Variants in NCALD observed in about 807,000 individuals in gnomAD.
The protein encoded by NCALD is neurocalcin delta.
NCALD carries 10 observed loss-of-function variants against 18.6 expected under a neutral mutation model. The observed-to-expected ratio is 0.54, with a 90% CI of 0.33 to 0.91. The LOEUF is 0.91. Among genes scored for constraint, NCALD ranks in the 40% least tolerant of loss-of-function variants. The pLI, the probability that NCALD is intolerant of heterozygous loss-of-function variation, is 0.03. For synonymous variants in NCALD, 88 were observed against 87.4 expected (o/e 1.01, Z -0.04); for missense variants, 184 against 247.6 (o/e 0.74, Z 1.72).
At position 101,725,368 on chromosome 8, in the gene NCALD, G is replaced by A. The variant is rs74507823; in HGVS notation, c.-19-5720C>T. ...AGCCTGGCCAGAGATGGTGGGCTCC[G>A]AGGAAAGATCACCTTCTTCCTGCAC... is the stretch of plus-strand genomic sequence containing the variant. On this transcript the variant is annotated intron_variant, in intron 1 of 3. Transcript: ENST00000220931. Among the ~76,000 whole-genome samples the A allele has an allele frequency of 5.3e-5, 8 of 152,166 alleles. No homozygotes were observed. The East Asian group carries it at 9.6e-4, about 18-fold the overall frequency.
intron 3 of NCALD, among the ~76,000 whole-genome samples, chr8:101,897,435 G>T (rs958734942): frequency 3.3e-5 from 5 of 149,558 alleles, no homozygotes; most frequent in Non-Finnish European, 5.9e-5. Context: ...GTTAGTGGGT[G>T]CAGTGCACCA....
intron 1 of NCALD, among the ~76,000 whole-genome samples, chr8:102,054,660 C>CAATA (rs59558185): frequency 0.074 from 10,521 of 142,358 alleles, 573 homozygotes; most frequent in East Asian, 0.2. Flanking sequence ...CTTTCTCTTC[C>CAATA]GATAGATAGA....
At chr8:101,692,691 G>A (rs867838541) in intron 3 of NCALD, 100 bp downstream of exon 3, 223 of 1,410,678 alleles carry the variant, frequency 1.6e-4, no homozygotes, top group Non-Finnish European at 2.0e-4. Flanking sequence ...AGGATGAGCC[G>A]CTCACATTGA....
intron 4 of NCALD, among the ~76,000 whole-genome samples, chr8:101,798,056 T>C (rs1305267351): frequency 1.3e-5 from 2 of 152,314 alleles, no homozygotes; most frequent in South Asian, 2.1e-4. Context: ...GCTAATTTTA[T>C]ACTTAATAGT....
At chr8:101,960,060 G>A (rs1819781431) in intron 2 of NCALD, among the ~76,000 whole-genome samples, 2 of 152,272 alleles carry the variant, frequency 1.3e-5, no homozygotes, top group Non-Finnish European at 1.5e-5. Flanking sequence ...ACATGGTCCA[G>A]AAGGATAGAA....
chr8:101,909,477 C>T (rs1466887322), intron 3 of NCALD, among the ~76,000 whole-genome samples: 1 of 152,204 alleles, frequency 6.6e-6, no homozygotes, highest in Non-Finnish European at 1.5e-5. Flanking sequence ...CAGCCTCAGA[C>T]TTCCACACTG....
intron 2 of NCALD, among the ~76,000 whole-genome samples, chr8:101,951,715 C>G (rs1360876575): frequency 6.6e-6 from 1 of 152,164 alleles, no homozygotes; most frequent in Non-Finnish European, 1.5e-5. Context: ...GTCATTCAAC[C>G]CCCTTACTTC....
chr8:102,101,453 T>C (rs1402283236), intron 1 of NCALD, among the ~76,000 whole-genome samples: 1 of 152,230 alleles, frequency 6.6e-6, no homozygotes, highest in African/African-American at 2.4e-5. Flanking sequence ...GAAGGCTGCA[T>C]TGGATCCAGG....
intron 4 of NCALD, among the ~76,000 whole-genome samples, chr8:101,879,845 A>G (rs998828058): frequency 6.6e-6 from 1 of 152,026 alleles, no homozygotes; most frequent in Non-Finnish European, 1.5e-5. Context: ...TGACTGGTGC[A>G]TTTACAATCC....
intron 2 of NCALD, among the ~76,000 whole-genome samples, chr8:101,916,085 A>G (rs754742735): frequency 6.6e-6 from 1 of 152,094 alleles, no homozygotes; most frequent in Non-Finnish European, 1.5e-5. Context: ...CAGAGACTGA[A>G]ACAATGGGAA....
intron 1 of NCALD, among the ~76,000 whole-genome samples, chr8:102,122,646 T>C (rs1446796978): frequency 6.6e-6 from 1 of 152,206 alleles, no homozygotes; most frequent in Non-Finnish European, 1.5e-5. Flanking sequence ...ACTCATTTTA[T>C]CTTCACAGTA....
chr8:101,723,383 A>C (rs1250684693), intron 1 of NCALD, among the ~76,000 whole-genome samples: 1 of 152,194 alleles, frequency 6.6e-6, no homozygotes, highest in Non-Finnish European at 1.5e-5. Context: ...TTTTCAAAAC[A>C]CAAAATTGAG....
intron 4 of NCALD, among the ~76,000 whole-genome samples, chr8:101,876,360 A>G (rs1163532245): frequency 3.3e-5 from 5 of 152,216 alleles, no homozygotes; most frequent in African/African-American, 1.2e-4. Context: ...TTTGATTATT[A>G]TGAACACTAG....
chr8:101,779,789 A>T (rs1267500455), intron 1 of NCALD: 2 of 152,192 alleles, frequency 1.3e-5, no homozygotes, highest in African/African-American at 2.4e-5. Flanking sequence ...GAGACAGTTA[A>T]CTAAGCTTTA....
At chr8:101,734,297 A>C (rs1816978741) in intron 1 of NCALD, among the ~76,000 whole-genome samples, 1 of 152,202 alleles carries the variant, frequency 6.6e-6, no homozygotes, top group Admixed American at 6.5e-5. Context: ...CTCACTGAAC[A>C]TGCCCTCCTT....
chr8:101,975,952 G>A (rs1285216148), intron 2 of NCALD, among the ~76,000 whole-genome samples: 1 of 152,128 alleles, frequency 6.6e-6, no homozygotes, highest in Non-Finnish European at 1.5e-5. Flanking sequence ...TTGACTGCTG[G>A]TTGGGTTGTA....
intron 2 of NCALD, among the ~76,000 whole-genome samples, chr8:101,964,671 ATC>A (rs1476749297): frequency 6.6e-6 from 1 of 152,232 alleles, no homozygotes; most frequent in Non-Finnish European, 1.5e-5. Context: ...TAGTGAGCCA[ATC>A]TCTGTCACAA....
chr8:101,957,431 G>A (rs969928665), intron 2 of NCALD, among the ~76,000 whole-genome samples: 7 of 151,514 alleles, frequency 4.6e-5, no homozygotes, highest in East Asian at 3.9e-4. Flanking sequence ...AATACTGACT[G>A]CAGTTAACAT....
At chr8:101,902,922 T>C (rs1817487398) in intron 3 of NCALD, among the ~76,000 whole-genome samples, 1 of 152,160 alleles carries the variant, frequency 6.6e-6, no homozygotes, top group Non-Finnish European at 1.5e-5. Context: ...CCAACAACTG[T>C]GTTGCTCTCC....
Sources: gnomAD v4.1 joint callset for allele counts (sites outside exome capture counted in the v4.1 genomes callset) on GRCh38, gnomAD v4.1.1 for gene constraint, MANE v1.5 for transcripts, NCBI Gene and HGNC (gene_info 2026-07-23, HGNC 2026-07-21) for gene names.